INPP5F: variants seen among roughly 807,000 people sequenced by gnomAD.
INPP5F encodes the protein inositol polyphosphate-5-phosphatase F.
A neutral mutation model predicts 137.2 loss-of-function variants in INPP5F; 97 were observed. The observed-to-expected ratio is 0.71, with a 90% confidence interval of 0.60 to 0.84. INPP5F has a LOEUF of 0.84. INPP5F is among the 40% of genes least tolerant of loss of function. The pLI is 0.00. For missense variants in INPP5F, 1,271 were observed against 1,371.9 expected (o/e 0.93, Z 1.16); for synonymous variants, 504 against 476.9 (o/e 1.06, Z -0.74).
chr10:119,823,778 A>G (rs996012727), intron 18 of INPP5F, 37 bp from the exon 19 acceptor site: 5 of 1,512,666 alleles, frequency 3.3e-6, no homozygotes, highest in Non-Finnish European at 4.6e-6. Flanking sequence ...TAGTATGTTT[A>G]TGGAGAAATT....
intron 13 of INPP5F, among the ~76,000 whole-genome samples, chr10:119,809,203 G>A (rs1438417268): frequency 6.7e-6 from 1 of 148,928 alleles, no homozygotes; most frequent in Non-Finnish European, 1.5e-5. Context: ...CTCCAGCCTG[G>A]GCGACAGAGC....
chr10:119,806,899 C>A (rs1348626797), intron 12 of INPP5F, among the ~76,000 whole-genome samples: 2 of 151,292 alleles, frequency 1.3e-5, no homozygotes, highest in African/African-American at 4.9e-5. Context: ...GGTGAAGGAG[C>A]CTGTGTCTTT....
rs556012496 is a variant in INPP5F, at chr10:119,767,405, C to T, written c.179-14230C>T. 1.2e-4 allele frequency among the ~76,000 whole-genome samples: 18 copies of T among 152,094 alleles called. 1 individual carries two copies. The South Asian group carries it at 3.5e-3, about 30-fold the overall frequency. ...TTTTGTAAATTAGGATTCATGTTAT[C>T]CCCTACAGTGTAACCACTAACAGAA... On this transcript the variant is annotated intron_variant, in intron 2 of 19. Transcript: ENST00000650623.
intron 1 of INPP5F, among the ~76,000 whole-genome samples, chr10:119,728,004 T>C (rs1165235219): frequency 1.3e-5 from 2 of 152,206 alleles, no homozygotes; most frequent in African/African-American, 4.8e-5. Context: ...ACAACAAACT[T>C]TTCTACACCC....
intron 9 of INPP5F, among the ~76,000 whole-genome samples, chr10:119,802,260 C>G (rs1850619755): frequency 6.6e-6 from 1 of 152,132 alleles, no homozygotes; most frequent in Admixed American, 6.5e-5. Flanking sequence ...GTGAAGGAAC[C>G]AGCCTCAGGA....
At chr10:119,773,859 C>T (rs1319387604) in intron 2 of INPP5F, among the ~76,000 whole-genome samples, 5 of 152,174 alleles carry the variant, frequency 3.3e-5, no homozygotes, top group South Asian at 4.1e-4. Flanking sequence ...CAGGCCACCA[C>T]GCCTGGTGTT....
At chr10:119,795,579 T>G (rs1850344793) in intron 6 of INPP5F, among the ~76,000 whole-genome samples, 1 of 148,372 alleles carries the variant, frequency 6.7e-6, no homozygotes, top group South Asian at 2.1e-4. Context: ...GCAGAGACGC[T>G]CCTCACTTTC....
At chr10:119,770,770 C>A (rs961391696) in intron 2 of INPP5F, among the ~76,000 whole-genome samples, 2 of 152,176 alleles carry the variant, frequency 1.3e-5, no homozygotes, top group Admixed American at 1.3e-4. Context: ...CAGACACCTA[C>A]ATCTTTTCAC....
chr10:119,765,487 T>C (rs1699304715), intron 2 of INPP5F, among the ~76,000 whole-genome samples: 1 of 151,982 alleles, frequency 6.6e-6, no homozygotes, highest in Admixed American at 6.6e-5. Flanking sequence ...CTCTCATGCT[T>C]CAGCCTCTTG....
intron 2 of INPP5F, among the ~76,000 whole-genome samples, chr10:119,763,383 A>G (rs1315904857): frequency 6.6e-6 from 1 of 152,180 alleles, no homozygotes; most frequent in Non-Finnish European, 1.5e-5. Context: ...TGAATAATGC[A>G]GTCCCTGCCT....
chr10:119,824,102 A>G (rs535848690), intron 19 of INPP5F, among the ~76,000 whole-genome samples, 200 bp downstream of exon 19: 86 of 152,366 alleles, frequency 5.6e-4, no homozygotes, highest in African/African-American at 2.0e-3. Context: ...TTTTAGACTT[A>G]CAGAAGAGTT....
chr10:119,798,301 C>T (rs1174174570), intron 8 of INPP5F, among the ~76,000 whole-genome samples: 1 of 151,952 alleles, frequency 6.6e-6, no homozygotes, highest in African/African-American at 2.4e-5. Context: ...GAGAAGTAGG[C>T]TAGATATATA....
At chr10:119,798,819 C>T (rs891004144) in intron 9 of INPP5F, among the ~76,000 whole-genome samples, 3 of 110,022 alleles carry the variant, frequency 2.7e-5, no homozygotes, top group African/African-American at 1.0e-4. Context: ...TTTAAAGAGA[C>T]ACTGTCTTGC....
intron 3 of INPP5F, among the ~76,000 whole-genome samples, chr10:119,788,711 C>T (rs1850014239): frequency 1.3e-5 from 2 of 152,130 alleles, no homozygotes; most frequent in South Asian, 4.1e-4. Context: ...TCACAAGGTG[C>T]TAGGAAGGGG....
At chr10:119,797,420 T>C (rs1240539145) in intron 7 of INPP5F, 41 bp from the exon 8 acceptor site, 2 of 1,480,652 alleles carry the variant, frequency 1.4e-6, no homozygotes, top group Admixed American at 4.0e-5. Context: ...CTAAATAAAT[T>C]TTTTAAAATG....
intron 19 of INPP5F, among the ~76,000 whole-genome samples, chr10:119,825,650 T>C (rs1851727874): frequency 6.6e-6 from 1 of 152,234 alleles, no homozygotes; most frequent in Non-Finnish European, 1.5e-5. Flanking sequence ...GAAAATAGTA[T>C]GTTTTAAACA....
At position 119,787,640 on chromosome 10, in the gene INPP5F, G is replaced by A. The variant is rs990865836; in HGVS notation, c.316-3877G>A. ...AAGGAAAGGGAAGGGGGAGGGGAAG[G>A]GGAGGAGGAAGGGAGGAAGGCAGGC... On this transcript the variant is annotated intron_variant, in intron 3 of 19. Coordinates refer to ENST00000650623, the MANE Select transcript of INPP5F (RefSeq NM_014937.4). The surrounding 1 kb of genome is among the most constrained non-coding windows in gnomAD (Gnocchi z 4.1). 2.6e-5 allele frequency among the ~76,000 whole-genome samples: 4 copies of A among 151,886 alleles called. No individual in the cohort carries two copies. Among genetic ancestry groups the A allele is most frequent in the Admixed American group, 2.0e-4 (3 of 15,236 alleles).
rs141692176 is a variant in INPP5F, at chr10:119,749,541, G to A, written c.98-1535G>A. 1.9e-3 allele frequency among the ~76,000 whole-genome samples: 290 copies of A among 152,260 alleles called. 8 individuals are homozygous for A. The South Asian group carries it at 0.022, about 11-fold the overall frequency. On this transcript the variant is annotated intron_variant, in intron 1 of 19. Coordinates refer to ENST00000650623, the MANE Select transcript of INPP5F (RefSeq NM_014937.4). ...TCACTGCCTTACTGATTAGTTCCACGTATAATTTCTGAAGGGGACACTGTA... is the reference window on the plus strand; with the variant it reads ...TCACTGCCTTACTGATTAGTTCCACATATAATTTCTGAAGGGGACACTGTA...
chr10:119,799,380 A>G, intron 9 of INPP5F: 1 of 400,462 alleles, frequency 2.5e-6, no homozygotes, highest in South Asian at 1.9e-5. Context: ...TGGAGGAAAA[A>G]AAAGAAAAAA....
Sources: gnomAD v4.1 joint callset for allele counts (sites outside exome capture counted in the v4.1 genomes callset) on GRCh38, gnomAD v4.1.1 for gene constraint, Gnocchi (gnomAD v3.1) non-coding constraint, MANE v1.5 for transcripts, NCBI Gene and HGNC (gene_info 2026-07-23, HGNC 2026-07-21) for gene names.